Variants in KCNB2 observed in about 807,000 individuals in gnomAD.
KCNB2 encodes the protein delayed rectifier potassium channel protein.
KCNB2 carries 15 observed loss-of-function variants against 61.5 expected under a neutral mutation model. The observed-to-expected ratio is 0.24, with a 90% CI of 0.16 to 0.38. The LOEUF is 0.38. Ranked by LOEUF, KCNB2 falls within the 10% of genes least tolerant of loss-of-function variation. KCNB2 has a pLI of 1.00. For synonymous variants in KCNB2, 457 were observed against 446.0 expected (o/e 1.02, Z -0.31); for missense variants, 828 against 1,125.2 (o/e 0.74, Z 3.78).
intron 2 of KCNB2, among the ~76,000 whole-genome samples, chr8:72,842,542 C>A (rs983422357): frequency 6.6e-6 from 1 of 152,094 alleles, no homozygotes; most frequent in South Asian, 2.1e-4. Flanking sequence ...TGGTAGAATT[C>A]GGCTGTGAAT....
intron 2 of KCNB2, among the ~76,000 whole-genome samples, chr8:72,868,091 A>ATG (rs1243710583): frequency 6.9e-6 from 1 of 145,232 alleles, no homozygotes; most frequent in East Asian, 2.0e-4. Flanking sequence ...TTTTTTTTAG[A>ATG]GACAGGGTCT....
At chr8:72,749,482 T>A (rs971326667) in intron 2 of KCNB2, 1 of 151,972 alleles carries the variant, frequency 6.6e-6, no homozygotes, top group Admixed American at 6.6e-5. Context: ...GTTTTTATGA[T>A]AAGAAATGAT....
rs1485350911 is a variant in KCNB2, at chr8:72,930,763, C to T, written c.580-5172C>T. Among the ~76,000 whole-genome samples the T allele has an allele frequency of 1.7e-4, 26 of 152,222 alleles. No individual in the cohort carries two copies. The South Asian group carries it at 2.1e-3, about 12-fold the overall frequency. On this transcript the variant is annotated intron_variant, in intron 2 of 2. Coordinates refer to ENST00000523207, the MANE Select transcript of KCNB2 (RefSeq NM_004770.3). ...TCTGTAGGTTGCCTGTTCACTCTGA[C>T]GGTAGTTTCTTTTGCTGTGCAGAAG...
chr8:72,848,217 T>C (rs1810032841), intron 2 of KCNB2, among the ~76,000 whole-genome samples: 1 of 152,204 alleles, frequency 6.6e-6, no homozygotes, highest in African/African-American at 2.4e-5. Flanking sequence ...AGTTTAGCCC[T>C]TAACTACAAG....
At chr8:72,867,703 C>T (rs755789653) in intron 2 of KCNB2, among the ~76,000 whole-genome samples, 11 of 152,142 alleles carry the variant, frequency 7.2e-5, no homozygotes, top group Non-Finnish European at 1.3e-4. Flanking sequence ...CCCAACAAAT[C>T]CACTCACACT....
intron 2 of KCNB2, among the ~76,000 whole-genome samples, chr8:72,677,808 G>T (rs901671439): frequency 6.6e-6 from 1 of 152,122 alleles, no homozygotes; most frequent in Non-Finnish European, 1.5e-5. Context: ...TAAACAAATA[G>T]TGGAGTGCTT....
At chr8:72,776,541 T>G (rs1808657051) in intron 2 of KCNB2, among the ~76,000 whole-genome samples, 1 of 152,180 alleles carries the variant, frequency 6.6e-6, no homozygotes. Flanking sequence ...CTGGTGAGTA[T>G]TTTTGGCGCT....
Position 72,785,842 on chromosome 8 carries a change from C to T in KCNB2, c.580-150093C>T, listed in dbSNP as rs149540836. ...TACTGAGTGCCTGCTGTGTATCAATCACTGGTTTAGGTGCTGAATGAGACA... is the reference window on the plus strand; with the variant it reads ...TACTGAGTGCCTGCTGTGTATCAATTACTGGTTTAGGTGCTGAATGAGACA... On this transcript the variant is annotated intron_variant, in intron 2 of 2. Coordinates refer to ENST00000523207, the MANE Select transcript of KCNB2 (RefSeq NM_004770.3). Among the ~76,000 whole-genome samples, 336 of 152,134 alleles carry T rather than the reference C, an allele frequency of 2.2e-3. 2 individuals are homozygous for T. The highest frequency in any genetic ancestry group is 7.6e-3 in the African/African-American group (314 of 41,530).
intron 2 of KCNB2, among the ~76,000 whole-genome samples, chr8:72,576,654 C>A (rs1332993349): frequency 6.6e-6 from 1 of 152,230 alleles, no homozygotes; most frequent in Non-Finnish European, 1.5e-5. Context: ...AGCTGTTCCA[C>A]ATAGTATGTG....
chr8:72,760,999 A>G (rs1437406483), intron 2 of KCNB2, among the ~76,000 whole-genome samples: 3 of 152,138 alleles, frequency 2.0e-5, no homozygotes, highest in African/African-American at 7.2e-5. Flanking sequence ...CTGAATAGCA[A>G]GTGGTCACTG....
At chr8:72,849,019 A>G (rs1243790650) in intron 2 of KCNB2, among the ~76,000 whole-genome samples, 2 of 150,196 alleles carry the variant, frequency 1.3e-5, no homozygotes, top group Non-Finnish European at 3.0e-5. Flanking sequence ...TTAACATTAT[A>G]TAATGTATAT....
intron 2 of KCNB2, among the ~76,000 whole-genome samples, chr8:72,799,575 A>T (rs1809088874): frequency 6.6e-6 from 1 of 152,150 alleles, no homozygotes; most frequent in Admixed American, 6.6e-5. Context: ...CACATTGTGG[A>T]TTTTAAGAAA....
intron 2 of KCNB2, among the ~76,000 whole-genome samples, chr8:72,696,309 G>A (rs1807018165): frequency 6.6e-6 from 1 of 152,146 alleles, no homozygotes; most frequent in Non-Finnish European, 1.5e-5. Context: ...TGTGCTGAGT[G>A]GCCTAAGAGT....
chr8:72,616,230 C>T (rs2128983791), intron 2 of KCNB2, among the ~76,000 whole-genome samples: 1 of 152,286 alleles, frequency 6.6e-6, no homozygotes, highest in African/African-American at 2.4e-5. Context: ...CCCATTCAAG[C>T]TTCCATTTAG....
chr8:72,610,814 G>A (rs1805525543), intron 2 of KCNB2, among the ~76,000 whole-genome samples: 1 of 152,074 alleles, frequency 6.6e-6, no homozygotes, highest in Non-Finnish European at 1.5e-5. Context: ...TAACATACAG[G>A]ATTTTGGTAA....
intron 2 of KCNB2, among the ~76,000 whole-genome samples, chr8:72,888,944 A>T (rs1205339416): frequency 6.6e-6 from 1 of 152,184 alleles, no homozygotes; most frequent in Non-Finnish European, 1.5e-5. Flanking sequence ...GAAATTTGGG[A>T]TTCACAAATT....
intron 2 of KCNB2, among the ~76,000 whole-genome samples, chr8:72,713,046 C>T (rs981828588): frequency 9.8e-5 from 15 of 152,344 alleles, no homozygotes; most frequent in African/African-American, 2.4e-4. Flanking sequence ...CCTACGCCCA[C>T]GGAGCCTCAC....
chr8:72,799,617 A>G (rs1045967942), intron 2 of KCNB2, among the ~76,000 whole-genome samples: 1 of 152,188 alleles, frequency 6.6e-6, no homozygotes, highest in Admixed American at 6.6e-5. Context: ...AATGATGTCC[A>G]TGACCATAGA....
At position 72,620,827 on chromosome 8, in the gene KCNB2, C is replaced by T. The variant is rs145293850; in HGVS notation, c.579+52514C>T. Among the ~76,000 whole-genome samples the T allele has an allele frequency of 6.8e-3, 1,034 of 152,156 alleles. 23 individuals carry two copies. Among genetic ancestry groups the T allele is most frequent in the East Asian group, 0.043 (221 of 5,146 alleles). On this transcript the variant is annotated intron_variant, in intron 2 of 2. Transcript: ENST00000523207. ...TTCACCACGTTGGCCAGGCTGGTCT[C>T]AAACTCCTGACCTCAGTTGATCCAC... is the stretch of plus-strand genomic sequence containing the variant.
Sources: allele counts gnomAD v4.1 joint callset (sites outside exome capture counted in the v4.1 genomes callset), GRCh38; gene constraint gnomAD v4.1.1; transcripts MANE v1.5; gene names NCBI Gene and HGNC (gene_info 2026-07-23, HGNC 2026-07-21).